The following ROBO2 variants were observed in gnomAD, a reference collection of about 807,000 sequenced individuals.
The protein encoded by ROBO2 is roundabout guidance receptor 2.
A neutral mutation model predicts 160.8 loss-of-function variants in ROBO2; 53 were observed. The observed-to-expected ratio is 0.33, with a 90% confidence interval of 0.26 to 0.41. The LOEUF is 0.41. Ranked by LOEUF, ROBO2 falls within the 10% of genes least tolerant of loss-of-function variation. The probability of loss-of-function intolerance (pLI) is 1.00; values close to 1 mark genes in which losing one functional copy is unlikely to be tolerated. For missense variants in ROBO2, 1,577 were observed against 1,722.4 expected, an observed-to-expected ratio of 0.92 and a Z score of 1.49; for synonymous variants, 664 against 611.7, an observed-to-expected ratio of 1.09 and a Z score of -1.26.
At chr3:76,611,210 C>T (rs973701841) in intron 2 of ROBO2, among the ~76,000 whole-genome samples, 4 of 152,142 alleles carry the variant, frequency 2.6e-5, no homozygotes, top group Non-Finnish European at 2.9e-5. Context: ...GATGGGTTTT[C>T]AGGCTGTAAA....
intron 2 of ROBO2, among the ~76,000 whole-genome samples, chr3:77,214,952 G>A (rs1315695530): frequency 6.6e-6 from 1 of 151,102 alleles, no homozygotes; most frequent in African/African-American, 2.4e-5. Context: ...GAGATCAGCT[G>A]TTAGTCTGAT....
In ROBO2 at chr3:76,729,520, T is replaced by C. The variant is rs141354648; in HGVS notation, c.110-368494T>C. Among the ~76,000 whole-genome samples, 273 of 152,184 alleles carry C rather than the reference T, an allele frequency of 1.8e-3. 1 individual carries two copies. Among genetic ancestry groups the C allele is most frequent in the African/African-American group, 6.3e-3 (261 of 41,534 alleles). On this transcript the variant is annotated intron_variant, in intron 2 of 26. Coordinates refer to the ROBO2 transcript ENST00000487694. ...TGAAAAAATAAAACAATGAAAGGAA[T>C]TGGAAGGTTTGGTATGTTTTAGGGC...
intron 13 of ROBO2, among the ~76,000 whole-genome samples, chr3:77,572,752 T>C (rs1209682576): frequency 6.6e-6 from 1 of 151,998 alleles, no homozygotes; most frequent in Non-Finnish European, 1.5e-5. Context: ...GCTCTGCATT[T>C]TTAACTTTCT....
intron 2 of ROBO2, among the ~76,000 whole-genome samples, chr3:76,698,752 CTATT>C (rs1245194992): frequency 6.6e-6 from 1 of 152,182 alleles, no homozygotes; most frequent in African/African-American, 2.4e-5. Flanking sequence ...TGGTAGAAAA[CTATT>C]TATTTATCTT....
At chr3:77,219,434 GTATATATATATA>G (rs369099644) in intron 2 of ROBO2, among the ~76,000 whole-genome samples, 5 of 115,254 alleles carry the variant, frequency 4.3e-5, no homozygotes, top group East Asian at 2.6e-4. Context: ...GTATGTGTGT[GTATATATATATA>G]TATATATATA....
At chr3:77,014,673 G>A (rs1319564668) in intron 2 of ROBO2, among the ~76,000 whole-genome samples, 3 of 152,128 alleles carry the variant, frequency 2.0e-5, no homozygotes, top group Non-Finnish European at 4.4e-5. Context: ...TGAAGGGAAT[G>A]AACAATCAGG....
intron 2 of ROBO2, among the ~76,000 whole-genome samples, chr3:76,420,630 A>G (rs1039515151): frequency 5.8e-4 from 89 of 152,294 alleles, no homozygotes; most frequent in African/African-American, 2.1e-3. Context: ...TTTTGTTGCT[A>G]TCTGCCATTT....
rs533106244 is a variant in ROBO2 at position 77,185,064 on chromosome 3, A to C, written c.388+86724A>C. Among the ~76,000 whole-genome samples the C allele has an allele frequency of 5.9e-5, 9 of 152,160 alleles. No homozygotes were observed. In the East Asian group the frequency reaches 1.7e-3, roughly 29 times the overall value. Reference sequence around the variant, plus strand: ...AAAACAGATTTGGCAAAATTTGACAAGTCTCTGGGTTCAGCGCTGCCATAA... The same window carrying C: ...AAAACAGATTTGGCAAAATTTGACACGTCTCTGGGTTCAGCGCTGCCATAA... On this transcript the variant is annotated intron_variant, in intron 2 of 25. Coordinates refer to ENST00000461745, the Ensembl canonical transcript of ROBO2.
chr3:76,330,737 A>G (rs990745910), intron 2 of ROBO2, among the ~76,000 whole-genome samples: 1 of 152,240 alleles, frequency 6.6e-6, no homozygotes, highest in Non-Finnish European at 1.5e-5. Flanking sequence ...GATATTACAT[A>G]TAAATGAAAA....
chr3:77,515,578 G>A (rs2089927611), intron 5 of ROBO2, among the ~76,000 whole-genome samples: 1 of 151,674 alleles, frequency 6.6e-6, no homozygotes, highest in Non-Finnish European at 1.5e-5. Flanking sequence ...GCTTAACTGT[G>A]ATGTTAACCA....
At chr3:76,080,748 G>T (rs192178678) in intron 2 of ROBO2, among the ~76,000 whole-genome samples, 50 of 152,136 alleles carry the variant, frequency 3.3e-4, no homozygotes, top group Non-Finnish European at 6.6e-4. Context: ...CATCTACAAC[G>T]GATCTTAATA....
chr3:76,762,874 A>G (rs192827310), intron 2 of ROBO2, among the ~76,000 whole-genome samples: 3 of 151,842 alleles, frequency 2.0e-5, no homozygotes, highest in Admixed American at 1.3e-4. Context: ...TTATATTTCA[A>G]CAATGACAAA....
intron 8 of ROBO2, among the ~76,000 whole-genome samples, chr3:77,552,476 T>TA (rs2092954978): frequency 6.6e-6 from 1 of 152,038 alleles, no homozygotes; most frequent in Admixed American, 6.6e-5. Context: ...TTACGTCTGA[T>TA]ACAATTAATG....
intron 1 of ROBO2, among the ~76,000 whole-genome samples, chr3:75,925,065 A>C (rs952000298): frequency 6.6e-6 from 1 of 151,980 alleles, no homozygotes; most frequent in Non-Finnish European, 1.5e-5. Context: ...TATTTTGTGA[A>C]GGATGATTAT....
At chr3:76,811,822 C>T (rs369436326) in intron 2 of ROBO2, among the ~76,000 whole-genome samples, 132 of 68,426 alleles carry the variant, frequency 1.9e-3, no homozygotes, top group African/African-American at 1.9e-3. Context: ...TCCTTCCTTC[C>T]TTCCTTCCTT....
At chr3:77,379,990 G>T (rs11926022) in intron 2 of ROBO2, among the ~76,000 whole-genome samples, 26,420 of 152,144 alleles carry the variant, frequency 0.17, 2,471 homozygotes, top group East Asian at 0.35. Flanking sequence ...AGAAGCAAAG[G>T]TATTTGGATT....
intron 2 of ROBO2, among the ~76,000 whole-genome samples, chr3:77,256,298 GTCA>G (rs1200346161): frequency 1.3e-5 from 2 of 152,116 alleles, no homozygotes; most frequent in Non-Finnish European, 2.9e-5. Flanking sequence ...CTTAAGTGTA[GTCA>G]TCATTTATTT....
intron 2 of ROBO2, among the ~76,000 whole-genome samples, chr3:76,510,306 A>G (rs2081019035): frequency 6.6e-6 from 1 of 152,228 alleles, no homozygotes; most frequent in Non-Finnish European, 1.5e-5. Flanking sequence ...GAGAAACTGG[A>G]CAGTGATGTA....
intron 1 of ROBO2, among the ~76,000 whole-genome samples, chr3:77,051,245 T>C (rs1485178718): frequency 6.6e-6 from 1 of 152,186 alleles, no homozygotes; most frequent in Non-Finnish European, 1.5e-5. Flanking sequence ...TGTCAACTTT[T>C]AATACTAAAG....
Sources: gnomAD v4.1 joint callset for allele counts (sites outside exome capture counted in the v4.1 genomes callset) on GRCh38, gnomAD v4.1.1 for gene constraint, MANE v1.5 for transcripts, NCBI Gene and HGNC (gene_info 2026-07-23, HGNC 2026-07-21) for gene names.